ACOT9: variants seen among roughly 807,000 people sequenced by gnomAD.
ACOT9 encodes the protein acyl-coenzyme A thioesterase 9, mitochondrial.
ACOT9 carries 34 observed loss-of-function variants against 39.7 expected under a neutral mutation model. That is an observed-to-expected ratio of 0.86 (90% CI 0.65 to 1.14). The LOEUF is 1.14. Ranked by LOEUF, ACOT9 falls within the 50% of genes most tolerant of loss-of-function variation. The pLI, the probability that ACOT9 is intolerant of heterozygous loss-of-function variation, is 0.00. For missense variants in ACOT9, 313 were observed against 344.1 expected (o/e 0.91, Z 0.71); for synonymous variants, 110 against 120.5 (o/e 0.91, Z 0.57).
Position 23,722,679 on chromosome X carries a change from C to T in ACOT9, c.475G>A (p.Asp159Asn), listed in dbSNP as rs781165058. ...SPLSIVTALV[D>N]KIDMCKKSLS... ...AAATGATATCACTTACCAATCTTAT[C>T]CACCAGGGCTGTAACTATCGATAAA... Residue 159 changes from aspartate to asparagine, a missense_variant, in exon 7 of 16, where the codon GAT (aspartate) becomes AAT (asparagine). Transcript: ENST00000379303. 1.7e-6 allele frequency: 2 copies of T among 1,176,190 alleles called. No homozygotes were observed. The highest frequency in any genetic ancestry group is 6.0e-5 in the East Asian group (2 of 33,261).
chrX:23,721,819 T>C lies in ACOT9; in HGVS notation c.588+62A>G, dbSNP rs772899573. ...TACAGATACATAGGTAAATAAGCTT[T>C]TCTTGCATGGAGACTAGCTGGTTTT... On this transcript the variant is annotated intron_variant, in intron 8 of 15. Coordinates refer to ENST00000379303, the MANE Select transcript of ACOT9 (RefSeq NM_001037171.2). 44 of 981,607 alleles carry C rather than the reference T, an allele frequency of 4.5e-5. 1 individual carries two copies. The Middle Eastern group carries it at 1.0e-3, about 23-fold the overall frequency. The allele number at this position is 981,607 out of a possible 1,213,427, so 80.9% of individuals were successfully genotyped here.
At chrX:23,720,020 A>G (rs1019089921) in intron 8 of ACOT9, among the ~76,000 whole-genome samples, 2 of 111,398 alleles carry the variant, frequency 1.8e-5, no homozygotes, top group East Asian at 2.8e-4. Flanking sequence ...TTTTTAGTAG[A>G]GACAGGGTTT....
intron 6 of ACOT9, among the ~76,000 whole-genome samples, chrX:23,725,587 G>A (rs920992498): frequency 1.5e-4 from 17 of 110,652 alleles, no homozygotes; most frequent in Non-Finnish European, 9.4e-5. Flanking sequence ...GGAGGCCGAG[G>A]TGGGGGGATC....
At position 23,723,495 on chromosome X, in the gene ACOT9, C is replaced by T. The variant is rs1238350253; in HGVS notation, c.401-742G>A. 2.9e-5 allele frequency among the ~76,000 whole-genome samples: 3 copies of T among 104,403 alleles called. No homozygotes were observed. In the Admixed American group the frequency reaches 3.3e-4, roughly 11 times the overall value. 90.7% of individuals were successfully genotyped at this position (104,403 alleles called of 115,157 possible). A position where few individuals can be genotyped will look rare whatever the true frequency, so the allele number is the denominator to read the frequency against. On this transcript the variant is annotated intron_variant, in intron 6 of 15. Transcript: ENST00000379303. Reference sequence around the variant, plus strand: ...CGGGCGTGGTGGCGTCCCAGTTACTCAGGAGGCTGAGGCAGGAGAATCAAT... The same window carrying T: ...CGGGCGTGGTGGCGTCCCAGTTACTTAGGAGGCTGAGGCAGGAGAATCAAT...
chrX:23,704,596 T>A, intron 15 of ACOT9, 98 bp downstream of exon 15: 1 of 963,080 alleles, frequency 1.0e-6, no homozygotes, highest in Non-Finnish European at 1.4e-6. Context: ...CATGCTCTTG[T>A]GCTGACAGGC....
intron 1 of ACOT9, among the ~76,000 whole-genome samples, chrX:23,740,717 TACACACACACACACAC>T (rs67075682): frequency 5.4e-5 from 5 of 92,099 alleles, no homozygotes; most frequent in Non-Finnish European, 1.1e-4. Flanking sequence ...CCCCAATACA[TACACACACACACACAC>T]ACACACACAC....
At chrX:23,733,580 C>CT (rs970425886) in intron 3 of ACOT9, among the ~76,000 whole-genome samples, 13 of 111,690 alleles carry the variant, frequency 1.2e-4, no homozygotes, top group Non-Finnish European at 1.5e-4. Context: ...CACCTATCTT[C>CT]TTTTTTGTTG....
At chrX:23,728,023 C>T (rs1007687560) in intron 6 of ACOT9, among the ~76,000 whole-genome samples, 109 of 103,673 alleles carry the variant, frequency 1.1e-3, no homozygotes, top group African/African-American at 3.8e-3. Flanking sequence ...AGGCCAGGCA[C>T]GGCGGCTCAC....
chrX:23,718,645 C>A (rs2146830533), intron 8 of ACOT9, among the ~76,000 whole-genome samples: 1 of 111,557 alleles, frequency 9.0e-6, no homozygotes, highest in Admixed American at 9.6e-5. Flanking sequence ...GTGGCTCACG[C>A]CTGTAATCCC....
rs1297924700 is a variant in ACOT9 at position 23,733,261 on chromosome X, T to C, written c.146-44A>G. 9 of 1,120,290 alleles carry C rather than the reference T, an allele frequency of 8.0e-6. No homozygotes were observed. The East Asian group carries it at 9.0e-5, about 11-fold the overall frequency. The allele number at this position is 1,120,290 out of a possible 1,213,427, so 92.3% of individuals were successfully genotyped here. A position where few individuals can be genotyped will look rare whatever the true frequency, so the allele number is the denominator to read the frequency against. On this transcript the variant is annotated intron_variant, in intron 3 of 15. Coordinates refer to ENST00000379303, the MANE Select transcript of ACOT9 (RefSeq NM_001037171.2). ...GGTCATTCCATGAAACAAAGAAATA[T>C]GAGAAACGGATTATGGCAATGAGCT...
intron 1 of ACOT9, 40 bp downstream of exon 1, chrX:23,743,085 G>T (rs1296009344): frequency 8.8e-7 from 1 of 1,132,311 alleles, no homozygotes; most frequent in Non-Finnish European, 1.2e-6. Flanking sequence ...GGCACCCCAG[G>T]CTACCGCCCT....
At chrX:23,730,643 G>C in intron 5 of ACOT9, 79 bp from the exon 6 acceptor site, 2 of 1,025,967 alleles carry the variant, frequency 1.9e-6, no homozygotes, top group Non-Finnish European at 2.7e-6. Context: ...ACTTCAGGGT[G>C]ATGAAAATGT....
intron 10 of ACOT9, 141 bp downstream of exon 10, chrX:23,707,736 T>TA (rs1233766930): frequency 1.6e-4 from 65 of 418,771 alleles, no homozygotes; most frequent in African/African-American, 1.3e-3. Flanking sequence ...AGACTCCATT[T>TA]CAAAAAAAAC....
intron 8 of ACOT9, among the ~76,000 whole-genome samples, chrX:23,714,149 T>A (rs1928998757): frequency 9.0e-6 from 1 of 111,421 alleles, no homozygotes; most frequent in Non-Finnish European, 1.9e-5. Context: ...GAGAGTATCA[T>A]CAGCGTTTAA....
rs760613739 is a variant in ACOT9 at position 23,732,804 on chromosome X, G to C, written c.191+368C>G. Among the ~76,000 whole-genome samples the C allele has an allele frequency of 1.7e-4, 19 of 111,528 alleles. No homozygotes were observed. The South Asian group carries it at 7.1e-3, about 41-fold the overall frequency. On this transcript the variant is annotated intron_variant, in intron 4 of 15. Transcript: ENST00000379303. Reference sequence around the variant, plus strand: ...TGAAACAGAGAAACTTAGCGACTTGGGTTCAAGTCCCAAACCCTGACATTT... The same window carrying C: ...TGAAACAGAGAAACTTAGCGACTTGCGTTCAAGTCCCAAACCCTGACATTT...
intron 6 of ACOT9, 28 bp downstream of exon 6, chrX:23,730,499 A>G (rs1929697260): frequency 8.7e-7 from 1 of 1,145,588 alleles, no homozygotes; most frequent in Non-Finnish European, 1.2e-6. Context: ...GTAGGTATCT[A>G]TTAGAAAGAC....
chrX:23,722,122 A>C (rs1307826139), intron 7 of ACOT9, 138 bp from the exon 8 acceptor site: 5 of 411,515 alleles, frequency 1.2e-5, no homozygotes, highest in Non-Finnish European at 2.1e-5. Context: ...TTTGACACGC[A>C]GAAGAAATCT....
intron 2 of ACOT9, among the ~76,000 whole-genome samples, chrX:23,735,202 C>T (rs191527033): frequency 3.7e-3 from 329 of 89,050 alleles, no homozygotes; most frequent in Middle Eastern, 5.8e-3. Flanking sequence ...GATCCTGCCA[C>T]TGCACTCCAG....
chrX:23,733,329 G>T, intron 3 of ACOT9, 112 bp from the exon 4 acceptor site: 1 of 654,346 alleles, frequency 1.5e-6, no homozygotes, highest in Non-Finnish European at 2.4e-6. Context: ...AAGATTTAAA[G>T]ATCCATAGAT....
Sources: allele counts gnomAD v4.1 joint callset (sites outside exome capture counted in the v4.1 genomes callset), GRCh38; gene constraint gnomAD v4.1.1; transcripts MANE v1.5; gene names NCBI Gene and HGNC (gene_info 2026-07-23, HGNC 2026-07-21).